DNER: variants seen among roughly 807,000 people sequenced by gnomAD.
DNER encodes the protein delta and Notch-like epidermal growth factor-related receptor.
Under a neutral mutation model 78.2 loss-of-function variants are expected in DNER, and 33 were observed. The observed-to-expected ratio is 0.42, with a 90% CI of 0.32 to 0.56. The LOEUF is 0.56. Ranked by LOEUF, DNER falls within the 20% of genes least tolerant of loss-of-function variation. DNER has a pLI of 0.11. For missense variants in DNER, 918 were observed against 975.3 expected, an observed-to-expected ratio of 0.94 and a Z score of 0.78; for synonymous variants, 417 against 384.8, an observed-to-expected ratio of 1.08 and a Z score of -0.98.
chr2:229,691,737 A>C (rs1699575527), intron 1 of DNER, among the ~76,000 whole-genome samples: 1 of 143,462 alleles, frequency 7.0e-6, no homozygotes, highest in African/African-American at 2.7e-5. Context: ...ACAATTGGTT[A>C]AAAAAAAAAA....
intron 5 of DNER, among the ~76,000 whole-genome samples, chr2:229,526,496 G>A (rs1257516513): frequency 6.6e-6 from 1 of 152,160 alleles, no homozygotes; most frequent in Non-Finnish European, 1.5e-5. Flanking sequence ...CCAGTTTCGC[G>A]GAAGACAATT....
At chr2:229,579,827 T>C (rs562507074) in intron 4 of DNER, among the ~76,000 whole-genome samples, 3 of 152,102 alleles carry the variant, frequency 2.0e-5, no homozygotes, top group South Asian at 2.1e-4. Flanking sequence ...CAAAACACTG[T>C]TATCTCCAGG....
At chr2:229,400,850 C>T (rs1325788693) in intron 10 of DNER, among the ~76,000 whole-genome samples, 1 of 151,958 alleles carries the variant, frequency 6.6e-6, no homozygotes, top group Non-Finnish European at 1.5e-5. Flanking sequence ...AAGTCACTTC[C>T]TCCCAAATTG....
intron 1 of DNER, among the ~76,000 whole-genome samples, chr2:229,626,362 A>T (rs918674854): frequency 9.2e-5 from 14 of 152,236 alleles, no homozygotes; most frequent in Admixed American, 7.9e-4. Context: ...AGAAACTAGG[A>T]TGTATCTCAT....
intron 8 of DNER, among the ~76,000 whole-genome samples, chr2:229,419,839 G>T (rs1343019936): frequency 6.6e-6 from 1 of 150,484 alleles, no homozygotes; most frequent in East Asian, 1.9e-4. Context: ...CAGCAATTTT[G>T]TCCCCCAAAG....
intron 8 of DNER, among the ~76,000 whole-genome samples, chr2:229,420,180 C>T (rs1416132285): frequency 2.0e-5 from 3 of 151,986 alleles, no homozygotes; most frequent in African/African-American, 2.4e-5. Context: ...AACACTACAA[C>T]AGAGGACTGA....
chr2:229,406,673 G>T (rs1021517800), intron 10 of DNER, among the ~76,000 whole-genome samples: 1 of 152,032 alleles, frequency 6.6e-6, no homozygotes, highest in African/African-American at 2.4e-5. Flanking sequence ...AGCTCATAAG[G>T]GGGTGACTTT....
chr2:229,369,319 T>C (rs1195711203), intron 11 of DNER, among the ~76,000 whole-genome samples: 1 of 149,770 alleles, frequency 6.7e-6, no homozygotes, highest in African/African-American at 2.4e-5. Flanking sequence ...AAAAAAGTTT[T>C]AACTTTCTAA....
At chr2:229,553,073 C>T (rs1466290582) in intron 4 of DNER, among the ~76,000 whole-genome samples, 1 of 152,164 alleles carries the variant, frequency 6.6e-6, no homozygotes, top group East Asian at 1.9e-4. Context: ...AGAGTAGATA[C>T]CCACCATCTA....
chr2:229,486,865 A>C (rs1356091072), intron 6 of DNER, among the ~76,000 whole-genome samples: 1 of 152,160 alleles, frequency 6.6e-6, no homozygotes, highest in Non-Finnish European at 1.5e-5. Flanking sequence ...ATTGACCATC[A>C]TTGTCACAGA....
At chr2:229,692,030 G>A (rs1699584967) in intron 1 of DNER, among the ~76,000 whole-genome samples, 1 of 152,186 alleles carries the variant, frequency 6.6e-6, no homozygotes, top group South Asian at 2.1e-4. Context: ...AACGGAAAGT[G>A]GACCCAAGAA....
intron 1 of DNER, among the ~76,000 whole-genome samples, chr2:229,630,840 T>C (rs1698422808): frequency 6.6e-6 from 1 of 152,214 alleles, no homozygotes; most frequent in Admixed American, 6.5e-5. Flanking sequence ...CATCTTTATG[T>C]CCACTGTACC....
rs1163172159 is a variant in DNER, at chr2:229,433,355, T to C, written c.1486+13961A>G. Among the ~76,000 whole-genome samples, 4 of 152,216 alleles carry C rather than the reference T, an allele frequency of 2.6e-5. No homozygotes were observed. The South Asian group carries it at 6.2e-4, about 24-fold the overall frequency. On this transcript the variant is annotated intron_variant, in intron 8 of 12. Transcript: ENST00000341772. ...ATATAAATAAACCAACAGTGAAACATATAGTCAAATGATCTACCAGCCATC... is the reference window on the plus strand; with the variant it reads ...ATATAAATAAACCAACAGTGAAACACATAGTCAAATGATCTACCAGCCATC...
intron 6 of DNER, among the ~76,000 whole-genome samples, chr2:229,496,123 C>G (rs941372965): frequency 1.3e-5 from 2 of 152,184 alleles, no homozygotes; most frequent in Admixed American, 1.3e-4. Flanking sequence ...AAAACCACCA[C>G]AGGCTTGAAA....
At chr2:229,412,742 G>A (rs575363995) in intron 9 of DNER, among the ~76,000 whole-genome samples, 31 of 152,254 alleles carry the variant, frequency 2.0e-4, no homozygotes, top group African/African-American at 7.0e-4. Context: ...GGAGAACCCC[G>A]TCAGGAATGA....
At chr2:229,588,368 C>T in intron 3 of DNER, 26 bp downstream of exon 3, 1 of 1,608,992 alleles carries the variant, frequency 6.2e-7, no homozygotes, top group African/African-American at 1.3e-5. Context: ...TCACTCTTAA[C>T]AGTTTGTAAC....
At chr2:229,358,702 T>C in intron 12 of DNER, 51 bp from the exon 13 acceptor site, 2 of 1,472,522 alleles carry the variant, frequency 1.4e-6, no homozygotes, top group South Asian at 2.4e-5. Context: ...GATCTCAAGT[T>C]TAATTAAAGC....
At chr2:229,713,373 GT>G (rs1699938214) in intron 1 of DNER, among the ~76,000 whole-genome samples, 2 of 152,154 alleles carry the variant, frequency 1.3e-5, no homozygotes, top group Admixed American at 6.5e-5. Flanking sequence ...ACATCCCATC[GT>G]CCCATCCCTC....
chr2:229,534,194 G>A (rs1326012547), intron 5 of DNER, among the ~76,000 whole-genome samples: 2 of 151,446 alleles, frequency 1.3e-5, no homozygotes, highest in Admixed American at 6.6e-5. Context: ...AGATTGTAAC[G>A]TAACAGACCA....
Sources: gnomAD v4.1 joint callset for allele counts (sites outside exome capture counted in the v4.1 genomes callset) on GRCh38, gnomAD v4.1.1 for gene constraint, MANE v1.5 for transcripts, NCBI Gene and HGNC (gene_info 2026-07-23, HGNC 2026-07-21) for gene names.